The following TRAP1 variants were observed in gnomAD, a reference collection of about 807,000 sequenced individuals.
TRAP1 encodes the protein TNF receptor associated protein 1, also known as heat shock protein 75 kDa, mitochondrial.
TRAP1 carries 102 observed loss-of-function variants against 89.1 expected under a neutral mutation model. The ratio of observed to expected loss-of-function variants is 1.15; its 90% CI spans 0.98 to 1.35. The LOEUF (loss-of-function observed/expected upper bound fraction) is 1.35. TRAP1 is among the 40% of genes most tolerant of loss of function. The pLI, the probability that TRAP1 is intolerant of heterozygous loss-of-function variation, is 0.00. For missense variants in TRAP1, 1,256 were observed against 945.3 expected (o/e 1.33, Z -4.31); for synonymous variants, 508 against 388.0 (o/e 1.31, Z -3.64).
At chr16:3,706,540 G>C (rs1276202601) in intron 1 of TRAP1, among the ~76,000 whole-genome samples, 1 of 145,336 alleles carries the variant, frequency 6.9e-6, no homozygotes, top group Non-Finnish European at 1.5e-5. Context: ...GCTCAATGTA[G>C]CCTCAAACTC....
intron 1 of TRAP1, among the ~76,000 whole-genome samples, chr16:3,706,197 A>T (rs995280587): frequency 4.0e-5 from 6 of 151,654 alleles, no homozygotes; most frequent in Non-Finnish European, 7.4e-5. Context: ...CAAGTAATCC[A>T]CCCACGTTAG....
At chr16:3,692,769 T>C (rs1318814786) in intron 1 of TRAP1, among the ~76,000 whole-genome samples, 1 of 149,792 alleles carries the variant, frequency 6.7e-6, no homozygotes, top group Non-Finnish European at 1.5e-5. Flanking sequence ...CAGCTAATTT[T>C]TGTAGTTTTA....
chr16:3,662,183 G>A (rs761214214), intron 15 of TRAP1, 51 bp from the exon 16 acceptor site: 6 of 1,576,518 alleles, frequency 3.8e-6, no homozygotes, highest in African/African-American at 2.7e-5. Context: ...AATGTGAGAG[G>A]GCTGGCAGGA....
intron 6 of TRAP1, chr16:3,676,428 T>G: frequency 1.3e-5 from 3 of 230,618 alleles, no homozygotes; most frequent in African/African-American, 2.3e-5. Flanking sequence ...CTTCTGGGCT[T>G]ACCCCAAAAG....
rs753559223 is a variant in TRAP1, at chr16:3,662,038, G to A, written c.1889C>T (p.Thr630Ile). The change falls in exon 16 of 18, where the codon ACC (threonine) becomes ATC (isoleucine). Residue 630 changes from threonine (T) to isoleucine (I), a missense_variant. Coordinates refer to ENST00000246957, the MANE Select transcript of TRAP1 (RefSeq NM_016292.3). ...HFLRMQQLAK[T>I]QEERAQLLQP... ...CAGGAGCTGTGCGCGCTCCTCCTGG[G>A]TCTTGGCCAGCTGCTGCATGCGCAG... The A allele has an allele frequency of 3.7e-6, 6 of 1,613,200 alleles. No homozygotes were observed. The African/African-American group carries it at 8.0e-5, about 22-fold the overall frequency.
At chr16:3,670,382 C>CAAAAAA (rs760902038) in intron 11 of TRAP1, among the ~76,000 whole-genome samples, 1,292 of 22,820 alleles carry the variant, frequency 0.057, 137 homozygotes, top group Non-Finnish European at 0.096. Context: ...GACTCCGTCT[C>CAAAAAA]AAAAAAAAAA....
At chr16:3,696,064 C>G (rs1164760973) in intron 1 of TRAP1, among the ~76,000 whole-genome samples, 2 of 152,198 alleles carry the variant, frequency 1.3e-5, no homozygotes, top group East Asian at 3.8e-4. Context: ...GCGATGACCC[C>G]CCACTTAGGC....
At position 3,664,378 on chromosome 16, in the gene TRAP1, G is replaced by C. The variant is rs375948455; in HGVS notation, c.1465C>G (p.Arg489Gly). Residue 489 changes from arginine to glycine, a missense_variant, in exon 13 of 18, where the codon CGC (arginine) becomes GGC (glycine). Coordinates refer to ENST00000246957, the MANE Select transcript of TRAP1 (RefSeq NM_016292.3). ...ATGTTGCGGGTGCCGGCCCGCATGC[G>C]GCTGGCGTATTCTGAGAGGCTGGTT... ...QLTSLSEYAS[R>G]MRAGTRNIYY... 6.2e-7 allele frequency: 1 copy of C among 1,612,690 alleles called. No homozygotes were observed. Among genetic ancestry groups the C allele is most frequent in the Non-Finnish European group, 8.5e-7 (1 of 1,179,546 alleles).
intron 11 of TRAP1, among the ~76,000 whole-genome samples, chr16:3,666,482 T>C (rs190203428): frequency 1.4e-4 from 21 of 152,214 alleles, no homozygotes; most frequent in Middle Eastern, 3.4e-3. Flanking sequence ...ATTTTCACTG[T>C]GGCACATAAA....
chr16:3,707,280 G>A (rs919187143), intron 1 of TRAP1, among the ~76,000 whole-genome samples: 1 of 150,074 alleles, frequency 6.7e-6, no homozygotes, highest in African/African-American at 2.5e-5. Context: ...CCGCCTCCCG[G>A]GTTCACACCA....
chr16:3,675,229 G>A, intron 8 of TRAP1, 95 bp downstream of exon 8: 5 of 1,246,592 alleles, frequency 4.0e-6, no homozygotes, highest in South Asian at 1.3e-5. Flanking sequence ...TGTGACTCTG[G>A]GCCGCATCCC....
Position 3,658,771 on chromosome 16 carries a change from C to T in TRAP1, c.2013+22G>A, listed in dbSNP as rs763798908. The T allele has an allele frequency of 2.5e-6, 4 of 1,609,306 alleles. No homozygotes were observed. The African/African-American group carries it at 4.0e-5, about 16-fold the overall frequency. On this transcript the variant is annotated intron_variant, in intron 17 of 17. Coordinates refer to ENST00000246957, the MANE Select transcript of TRAP1 (RefSeq NM_016292.3). Reference sequence around the variant, plus strand: ...GGCTGGTAGCCTGGGTCCCTGCAGTCATCCTAAGCTGCTGCACTCACCTGA... The same window carrying T: ...GGCTGGTAGCCTGGGTCCCTGCAGTTATCCTAAGCTGCTGCACTCACCTGA...
intron 15 of TRAP1, 91 bp downstream of exon 15, chr16:3,662,791 A>G: frequency 8.1e-7 from 1 of 1,230,764 alleles, no homozygotes; most frequent in Non-Finnish European, 1.2e-6. Context: ...CTGGAAGGAC[A>G]CCCAACGGGC....
Position 3,689,069 on chromosome 16 carries a change from A to G in TRAP1, c.316T>C (p.Tyr106His). The G allele has an allele frequency of 6.2e-7, 1 of 1,613,842 alleles. No homozygotes were observed. Among genetic ancestry groups the G allele is most frequent in the East Asian group, 2.2e-5 (1 of 44,874 alleles). Residue 106 changes from tyrosine (Y) to histidine (H), a missense_variant, in exon 3 of 18, where the codon TAC (tyrosine) becomes CAC (histidine). Transcript: ENST00000246957. ...AGGGAACGCACCTCTTTTTCTGAGT[A>G]CAGGGACCGGGCAACAATGTCCAAA... ...KLLDIVARSL[Y>H]SEKEVFIREL...
At chr16:3,697,500 T>C (rs1394987155) in intron 1 of TRAP1, among the ~76,000 whole-genome samples, 1 of 151,620 alleles carries the variant, frequency 6.6e-6, no homozygotes, top group Non-Finnish European at 1.5e-5. Context: ...CCGTCTCTAC[T>C]AAAAATACAA....
chr16:3,681,602 T>C (rs2051074193), intron 4 of TRAP1, among the ~76,000 whole-genome samples: 1 of 152,216 alleles, frequency 6.6e-6, no homozygotes, highest in East Asian at 1.9e-4. Context: ...TTGTAGATCA[T>C]GTAATAATTA....
intron 1 of TRAP1, among the ~76,000 whole-genome samples, chr16:3,692,888 C>T (rs2051235283): frequency 1.3e-5 from 2 of 151,944 alleles, no homozygotes; most frequent in South Asian, 2.1e-4. Flanking sequence ...CATGAGCCAC[C>T]GTGCCCAGCC....
intron 16 of TRAP1, chr16:3,659,453 G>C (rs1389754788): frequency 1.3e-5 from 2 of 152,184 alleles, no homozygotes; most frequent in Non-Finnish European, 2.9e-5. Context: ...CATCATCTCA[G>C]AAGGGGAAAG....
rs573537428 is a variant in TRAP1, at chr16:3,658,690, C to A, written c.2013+103G>T. The A allele has an allele frequency of 2.1e-3, 2,425 of 1,180,784 alleles. 50 individuals are homozygous for A. The African/African-American group carries it at 0.031, about 15-fold the overall frequency. 73.1% of individuals were successfully genotyped at this position (1,180,784 alleles called of 1,614,324 possible). On this transcript the variant is annotated intron_variant, in intron 17 of 17. Transcript: ENST00000246957. Reference sequence around the variant, plus strand: ...CCATCTCAAAAAACAAACAAACAAACAAAAAGACAGGATTTTAGAGGAAAC... The same window carrying A: ...CCATCTCAAAAAACAAACAAACAAAAAAAAAGACAGGATTTTAGAGGAAAC...
Sources: gnomAD v4.1 joint callset for allele counts (sites outside exome capture counted in the v4.1 genomes callset) on GRCh38, gnomAD v4.1.1 for gene constraint, MANE v1.5 for transcripts, NCBI Gene and HGNC (gene_info 2026-07-23, HGNC 2026-07-21) for gene names.